WDR27: variants seen among roughly 807,000 people sequenced by gnomAD.
WDR27 encodes WD repeat domain 27.
WDR27 carries 100 observed loss-of-function variants against 114.4 expected under a neutral mutation model. The ratio of observed to expected loss-of-function variants is 0.87; its 90% confidence interval spans 0.74 to 1.03. WDR27 has a LOEUF of 1.03. WDR27 is among the 50% of genes least tolerant of loss of function. The probability of loss-of-function intolerance (pLI) is 0.00; values close to 1 mark genes in which losing one functional copy is unlikely to be tolerated. For missense variants in WDR27, 1,129 were observed against 1,092.9 expected, an observed-to-expected ratio of 1.03 and a Z score of -0.47; for synonymous variants, 449 against 423.1, an observed-to-expected ratio of 1.06 and a Z score of -0.75.
chr6:169,560,526 G>A (rs1320451054), intron 25 of WDR27, among the ~76,000 whole-genome samples: 1 of 152,222 alleles, frequency 6.6e-6, no homozygotes, highest in East Asian at 1.9e-4. Flanking sequence ...GCCCAAGCCT[G>A]ACGGGAAGGC....
chr6:169,452,169 AG>A, the WDR27 span, among the ~76,000 whole-genome samples: 1 of 152,242 alleles, frequency 6.6e-6, no homozygotes, highest in Non-Finnish European at 1.5e-5. Flanking sequence ...TAAGTCAGTA[AG>A]GCCCCACTTC....
intron 21 of WDR27, among the ~76,000 whole-genome samples, chr6:169,614,946 A>G (rs1426279482): frequency 6.6e-6 from 1 of 152,190 alleles, no homozygotes; most frequent in East Asian, 1.9e-4. Flanking sequence ...GCTAAAGAGT[A>G]AAAAACTGAA....
chr6:169,502,661 C>T (rs891012946), intron 25 of WDR27, among the ~76,000 whole-genome samples: 10 of 152,142 alleles, frequency 6.6e-5, no homozygotes, highest in Non-Finnish European at 1.2e-4. Flanking sequence ...TCTCACTCCC[C>T]GGCGCTCCCT....
intron 2 of WDR27, among the ~76,000 whole-genome samples, chr6:169,685,080 A>G (rs1782546960): frequency 6.6e-6 from 1 of 152,192 alleles, no homozygotes. Flanking sequence ...CAACAGAAGA[A>G]ACCACACAGA....
chr6:169,647,572 C>A (rs1200449703), intron 16 of WDR27: 6 of 646,870 alleles, frequency 9.3e-6, no homozygotes, highest in Non-Finnish European at 1.7e-5. Context: ...GGGTGAGATG[C>A]CTGGAGATCA....
intron 4 of WDR27, chr6:169,669,631 C>T (rs1778175708): frequency 6.6e-6 from 1 of 152,154 alleles, no homozygotes; most frequent in African/African-American, 2.4e-5. Context: ...ATGTTTACAA[C>T]AAAACATGAA....
intron 21 of WDR27, among the ~76,000 whole-genome samples, chr6:169,622,467 G>A (rs1032996531): frequency 3.3e-5 from 5 of 152,110 alleles, no homozygotes; most frequent in African/African-American, 1.2e-4. Context: ...TTAGGAACAG[G>A]TATTGAATTA....
chr6:169,642,309 C>G (rs527901973), intron 17 of WDR27, among the ~76,000 whole-genome samples: 12 of 151,962 alleles, frequency 7.9e-5, no homozygotes, highest in African/African-American at 2.4e-4. Context: ...CCTTCCCCCC[C>G]GCCCACAGAA....
At chr6:169,642,832 C>T (rs1260490895) in intron 17 of WDR27, among the ~76,000 whole-genome samples, 1 of 152,238 alleles carries the variant, frequency 6.6e-6, no homozygotes, top group Non-Finnish European at 1.5e-5. Flanking sequence ...CTAATGACTG[C>T]CCTTGGGGTG....
chr6:169,484,808 G>T (rs113438043), intron 25 of WDR27, among the ~76,000 whole-genome samples: 1,979 of 152,138 alleles, frequency 0.013, 41 homozygotes, highest in African/African-American at 0.041. Context: ...ACCTATACTG[G>T]TATAAAAAGA....
In WDR27 at chr6:169,658,280, T is replaced by C; in HGVS notation, c.1398A>G (p.Arg466=). Residue 466 remains arginine, a synonymous_variant, in exon 13 of 26, where the codon CGA becomes CGG. Transcript: ENST00000448612. The part of the protein sequence containing the change: ...EKSTKAASEQ[R]RAARNVMKDQ... ...CTCACAGCACCCTGTACTGACCACG[T>C]CGCTGTTCACTAGCAGCCTTGGTAC... is the stretch of plus-strand genomic sequence containing the variant. 6.3e-7 allele frequency: 1 copy of C among 1,598,070 alleles called. No individual in the cohort carries two copies.
the WDR27 span, among the ~76,000 whole-genome samples, chr6:169,450,581 G>GC: frequency 2.6e-5 from 4 of 152,162 alleles, no homozygotes; most frequent in African/African-American, 9.7e-5. Flanking sequence ...TGCTCAGGGA[G>GC]CCCCCCAGGA....
chr6:169,587,788 G>A (rs913130476), intron 23 of WDR27, among the ~76,000 whole-genome samples: 1 of 152,224 alleles, frequency 6.6e-6, no homozygotes, highest in East Asian at 1.9e-4. Context: ...AAACGTGCAA[G>A]GTTTTCGTGC....
chr6:169,552,631 A>G (rs1798306454), intron 25 of WDR27, among the ~76,000 whole-genome samples: 1 of 152,224 alleles, frequency 6.6e-6, no homozygotes, highest in Admixed American at 6.5e-5. Context: ...GGTTCCACTG[A>G]AGAAAGTGCT....
At chr6:169,651,858 C>T in intron 14 of WDR27, 72 bp downstream of exon 14, 1 of 1,341,816 alleles carries the variant, frequency 7.5e-7, no homozygotes, top group Middle Eastern at 1.8e-4. Flanking sequence ...TATGTGTGTC[C>T]CTATTTGTGT....
intron 24 of WDR27, among the ~76,000 whole-genome samples, chr6:169,580,525 C>T (rs759385470): frequency 2.3e-4 from 35 of 152,284 alleles, no homozygotes; most frequent in Non-Finnish European, 3.7e-4. Flanking sequence ...AGAAGATTTT[C>T]GGTGTCCTGT....
chr6:169,677,886 G>A (rs1780471961), intron 2 of WDR27, among the ~76,000 whole-genome samples: 1 of 152,210 alleles, frequency 6.6e-6, no homozygotes, highest in South Asian at 2.1e-4. Flanking sequence ...GTTTCCATGT[G>A]GTATTAAGCC....
chr6:169,685,745 T>C (rs1004237602), intron 2 of WDR27, among the ~76,000 whole-genome samples: 9 of 152,326 alleles, frequency 5.9e-5, no homozygotes, highest in Admixed American at 1.3e-4. Context: ...AATATGGGCA[T>C]TCTAGCAGAA....
intron 1 of WDR27, among the ~76,000 whole-genome samples, chr6:169,700,938 AAATTT>A (rs1244243512): frequency 5.3e-5 from 8 of 152,352 alleles, no homozygotes; most frequent in African/African-American, 1.9e-4. Context: ...AAAATAAACT[AAATTT>A]ATTATTTTAG....
Sources: allele counts gnomAD v4.1 joint callset (sites outside exome capture counted in the v4.1 genomes callset), GRCh38; gene constraint gnomAD v4.1.1; transcripts MANE v1.5; gene names NCBI Gene and HGNC (gene_info 2026-07-23, HGNC 2026-07-21).